ANKS1B: variants seen among roughly 807,000 people sequenced by gnomAD.
ANKS1B encodes ankyrin repeat and sterile alpha motif domain-containing protein 1B.
ANKS1B carries 36 observed loss-of-function variants against 148.3 expected under a neutral mutation model. The ratio of observed to expected loss-of-function variants is 0.24; its 90% CI spans 0.19 to 0.32. The LOEUF is 0.32. Among genes scored for constraint, ANKS1B ranks in the 10% least tolerant of loss-of-function variants. The probability of loss-of-function intolerance (pLI) is 1.00; values close to 1 mark genes in which losing one functional copy is unlikely to be tolerated. For missense variants in ANKS1B, 1,157 were observed against 1,542.6 expected (o/e 0.75, Z 4.19); for synonymous variants, 542 against 560.8 (o/e 0.97, Z 0.47).
intron 22 of ANKS1B, among the ~76,000 whole-genome samples, chr12:98,787,688 G>A (rs962478658): frequency 6.6e-6 from 1 of 152,090 alleles, no homozygotes; most frequent in Non-Finnish European, 1.5e-5. Context: ...GGGAGGCTGA[G>A]GTGGGCGGAT....
intron 17 of ANKS1B, among the ~76,000 whole-genome samples, chr12:98,950,806 C>T (rs529635436): frequency 3.3e-4 from 50 of 152,206 alleles, no homozygotes; most frequent in African/African-American, 1.2e-3. Context: ...TGCTCTCTTG[C>T]CCAAGCTACG....
At chr12:99,962,854 C>T (rs1370238963) in intron 1 of ANKS1B, among the ~76,000 whole-genome samples, 2 of 147,774 alleles carry the variant, frequency 1.4e-5, no homozygotes, top group South Asian at 4.3e-4. Context: ...CGCTCTGTCG[C>T]CCAGGCTGGA....
rs1282159029 is a variant in ANKS1B at position 99,627,328 on chromosome 12, A to G, written c.1272+27739T>C. ...AGTAGTAATTAAAACAAAAAGAGAA[A>G]TTGAATGCATCCTTTAGCTATAATA... On this transcript the variant is annotated intron_variant, in intron 9 of 26. Transcript: ENST00000683438. Among the ~76,000 whole-genome samples the G allele has an allele frequency of 2.0e-5, 3 of 152,300 alleles. No homozygotes were observed. The East Asian group carries it at 5.8e-4, about 29-fold the overall frequency.
intron 9 of ANKS1B, among the ~76,000 whole-genome samples, chr12:99,636,715 A>T (rs1227302456): frequency 6.6e-6 from 1 of 152,188 alleles, no homozygotes; most frequent in Non-Finnish European, 1.5e-5. Context: ...CTGGGACTCA[A>T]CTGGGAACAT....
At chr12:99,438,482 C>T (rs1288351809) in intron 11 of ANKS1B, among the ~76,000 whole-genome samples, 1 of 151,840 alleles carries the variant, frequency 6.6e-6, no homozygotes, top group Non-Finnish European at 1.5e-5. Context: ...TCTTCTCCCT[C>T]ATCAAAATAA....
At chr12:99,955,860 G>A (rs1167292275) in intron 1 of ANKS1B, among the ~76,000 whole-genome samples, 1 of 152,096 alleles carries the variant, frequency 6.6e-6, no homozygotes, top group Non-Finnish European at 1.5e-5. Context: ...ATGTAAATAA[G>A]TAATCTGTAA....
At chr12:98,957,967 T>C (rs150653606) in intron 17 of ANKS1B, among the ~76,000 whole-genome samples, 113 of 152,104 alleles carry the variant, frequency 7.4e-4, no homozygotes, top group African/African-American at 2.6e-3. Context: ...TACATGAAAA[T>C]TCAGTACTTG....
At chr12:98,895,877 C>G (rs1206983277) in intron 17 of ANKS1B, among the ~76,000 whole-genome samples, 1 of 152,108 alleles carries the variant, frequency 6.6e-6, no homozygotes, top group Non-Finnish European at 1.5e-5. Flanking sequence ...TGTTTAAAAT[C>G]CCATTTTTTT....
chr12:99,910,972 G>A (rs1300089368), intron 1 of ANKS1B, among the ~76,000 whole-genome samples: 1 of 152,098 alleles, frequency 6.6e-6, no homozygotes, highest in Non-Finnish European at 1.5e-5. Context: ...CTAAAAATAC[G>A]TAATCTTATT....
At chr12:99,324,092 A>G (rs558403705) in intron 12 of ANKS1B, among the ~76,000 whole-genome samples, 1 of 152,304 alleles carries the variant, frequency 6.6e-6, no homozygotes, top group East Asian at 1.9e-4. Context: ...AAGCAATGAT[A>G]TCTATATAAT....
chr12:99,247,301 T>C (rs1332911804), intron 12 of ANKS1B, among the ~76,000 whole-genome samples: 1 of 152,154 alleles, frequency 6.6e-6, no homozygotes, highest in Non-Finnish European at 1.5e-5. Context: ...GACAACCCTC[T>C]GCCCTCCTCC....
At chr12:99,189,897 A>C (rs1303312687) in intron 14 of ANKS1B, among the ~76,000 whole-genome samples, 1 of 152,184 alleles carries the variant, frequency 6.6e-6, no homozygotes, top group Non-Finnish European at 1.5e-5. Flanking sequence ...GAGGAAGTCA[A>C]ATGCCTCTGT....
intron 9 of ANKS1B, among the ~76,000 whole-genome samples, chr12:99,550,785 G>T (rs187176216): frequency 6.6e-6 from 1 of 152,152 alleles, no homozygotes; most frequent in African/African-American, 2.4e-5. Flanking sequence ...TGTATAGGGG[G>T]CCTAATTAAA....
chr12:99,494,664 C>T (rs1038978754), intron 10 of ANKS1B, among the ~76,000 whole-genome samples: 7 of 128,174 alleles, frequency 5.5e-5, no homozygotes, highest in African/African-American at 9.0e-5. Context: ...ACCTGGGAGG[C>T]GGAGCTTGTA....
intron 12 of ANKS1B, among the ~76,000 whole-genome samples, chr12:99,354,948 G>GA (rs756832877): frequency 6.6e-6 from 1 of 151,878 alleles, no homozygotes; most frequent in African/African-American, 2.4e-5. Context: ...CTTCTTTACA[G>GA]AAAAAACACA....
chr12:99,063,098 C>T (rs1326842639), intron 16 of ANKS1B, among the ~76,000 whole-genome samples: 1 of 152,082 alleles, frequency 6.6e-6, no homozygotes, highest in African/African-American at 2.4e-5. Context: ...TTACATAGAC[C>T]CACCAGTGCC....
chr12:99,817,169 C>CG (rs1386045591), intron 2 of ANKS1B, among the ~76,000 whole-genome samples: 1 of 149,556 alleles, frequency 6.7e-6, no homozygotes, highest in Non-Finnish European at 1.5e-5. Flanking sequence ...TCTCCCCCCC[C>CG]CCTTTCCTTC....
chr12:99,296,720 T>C (rs2080918398), intron 12 of ANKS1B, among the ~76,000 whole-genome samples: 1 of 152,196 alleles, frequency 6.6e-6, no homozygotes, highest in Non-Finnish European at 1.5e-5. Flanking sequence ...AGACCTTGCT[T>C]GTCTTATTCA....
At chr12:98,807,964 T>C (rs538010440) in intron 19 of ANKS1B, 46 bp from the exon 20 acceptor site, 5 of 1,466,910 alleles carry the variant, frequency 3.4e-6, no homozygotes, top group South Asian at 1.2e-5. Flanking sequence ...ATTTAAAACA[T>C]GGCAGCTACC....
Sources: allele counts gnomAD v4.1 joint callset (sites outside exome capture counted in the v4.1 genomes callset), GRCh38; gene constraint gnomAD v4.1.1; transcripts MANE v1.5; gene names NCBI Gene and HGNC (gene_info 2026-07-23, HGNC 2026-07-21).